IFT172: variants seen among roughly 807,000 people sequenced by gnomAD.
The protein encoded by IFT172 is intraflagellar transport protein 172 homolog.
IFT172 carries 164 observed loss-of-function variants against 248.9 expected under a neutral mutation model. That is an observed-to-expected ratio of 0.66 (90% CI 0.58 to 0.75). IFT172 has a LOEUF of 0.75. IFT172 is among the 30% of genes least tolerant of loss of function. IFT172 has a pLI of 0.00. For synonymous variants in IFT172, 729 were observed against 791.6 expected, an observed-to-expected ratio of 0.92 and a Z score of 1.33; for missense variants, 1,950 against 2,192.4, an observed-to-expected ratio of 0.89 and a Z score of 2.21.
rs1432674990 is a variant in IFT172, at chr2:27,472,335, C to A, written c.1439G>T (p.Gly480Val). ...IVDLIGGYNI[G>V]TVSHESRVDW... ...CACACGGCTCTCATGGCTGACGGTG[C>A]CAATGTTGTAGCCACCAATCAGATC... Residue 480 changes from glycine (G) to valine (V), a missense_variant, in exon 15 of 48, where the codon GGC (glycine) becomes GTC (valine). Around this residue, in one of 3 missense-constraint regions of IFT172, gnomAD observed 1,166 missense variants for 1,254.1 expected, o/e 0.93. Transcript: ENST00000260570. 1.9e-6 allele frequency: 3 copies of A among 1,613,962 alleles called. No individual in the cohort carries two copies. In the South Asian group the frequency reaches 3.3e-5, roughly 18 times the overall value.
At chr2:27,448,033 G>A (rs1173449068) in intron 40 of IFT172, 111 bp from the exon 41 acceptor site, 4 of 665,432 alleles carry the variant, frequency 6.0e-6, no homozygotes, top group Non-Finnish European at 1.1e-5. Context: ...AAATGGGTAT[G>A]TGTGTGTGTG....
intron 15 of IFT172, chr2:27,472,000 T>C: frequency 1.8e-6 from 1 of 557,424 alleles, no homozygotes; most frequent in South Asian, 2.6e-5. Context: ...ATTGTACCAC[T>C]GCACTCCAGC....
At position 27,454,475 on chromosome 2, in the gene IFT172, G is replaced by A; in HGVS notation, c.3466-57C>T. On this transcript the variant is annotated intron_variant, in intron 31 of 47. Coordinates refer to ENST00000260570, the MANE Select transcript of IFT172 (RefSeq NM_015662.3). The surrounding 1 kb of genome is among the most constrained non-coding windows in gnomAD (Gnocchi z 4.2). ...GAGAAGGAGACTGGCATCACAGGCAGGCATGAGACTGGGGGTCTGCACACC... is the reference window on the plus strand; with the variant it reads ...GAGAAGGAGACTGGCATCACAGGCAAGCATGAGACTGGGGGTCTGCACACC... 5 of 1,613,240 alleles carry A rather than the reference G, an allele frequency of 3.1e-6. No homozygotes were observed. The highest frequency in any genetic ancestry group is 3.4e-6 in the Non-Finnish European group (4 of 1,179,240).
At chr2:27,476,554 C>T (rs1667966845) in intron 14 of IFT172, 87 bp downstream of exon 14, 1 of 795,256 alleles carries the variant, frequency 1.3e-6, no homozygotes, top group Admixed American at 2.1e-5. Flanking sequence ...CAGATTCCTG[C>T]ATTCCCCACT....
intron 14 of IFT172, among the ~76,000 whole-genome samples, chr2:27,472,955 A>T (rs2148533061): frequency 6.6e-6 from 1 of 152,308 alleles, no homozygotes; most frequent in African/African-American, 2.4e-5. Flanking sequence ...TTTTAGTGAT[A>T]TCCATTATTA....
intron 2 of IFT172, 114 bp downstream of exon 2, chr2:27,485,245 GA>G: frequency 6.5e-7 from 1 of 1,534,356 alleles, no homozygotes. Flanking sequence ...TTTATACTGA[GA>G]AAAAGGTGGG....
chr2:27,453,911 G>A, intron 33 of IFT172, 71 bp downstream of exon 33: 1 of 1,493,756 alleles, frequency 6.7e-7, no homozygotes, highest in South Asian at 1.2e-5. Context: ...CATACCAGGG[G>A]TCAGTGTGGC....
At chr2:27,468,462 G>A (rs1045331997) in intron 16 of IFT172, among the ~76,000 whole-genome samples, 1 of 151,822 alleles carries the variant, frequency 6.6e-6, no homozygotes, top group African/African-American at 2.4e-5. Context: ...TTGAACTTCT[G>A]GCCTCAAGTG....
In IFT172 at chr2:27,457,885, GC is replaced by G; in HGVS notation, c.3066del (p.Lys1022AsnfsTer41). 6.2e-7 allele frequency: 1 copy of G among 1,614,198 alleles called. No homozygotes were observed. Among genetic ancestry groups the G allele is most frequent in the Non-Finnish European group, 8.5e-7 (1 of 1,180,012 alleles). On this transcript the variant is annotated frameshift_variant, in exon 28 of 48. Transcript: ENST00000260570. LOFTEE classifies it high-confidence loss of function. ...LYDDMIRLVG[K>X]HHPDLLSDTH... ...GTATCACTGAGGAGATCTGGATGGT[GC>G]TTCCCTACCAGGCGGATCATGTCAT...
chr2:27,484,048 G>A (rs1668574907), intron 4 of IFT172, 111 bp from the exon 5 acceptor site: 1 of 1,271,952 alleles, frequency 7.9e-7, no homozygotes, highest in Non-Finnish European at 1.1e-6. Flanking sequence ...TATAGGGAAG[G>A]ACACAGCAGG....
chr2:27,449,548 A>C lies in IFT172; in HGVS notation c.4175T>G (p.Val1392Gly), dbSNP rs1270300628. 6.2e-7 allele frequency: 1 copy of C among 1,614,082 alleles called. No homozygotes were observed. The highest frequency in any genetic ancestry group is 8.5e-7 in the Non-Finnish European group (1 of 1,180,034). The change falls in exon 38 of 48, where the codon GTG becomes GGG. Residue 1392 changes from valine (V) to glycine (G), a missense_variant. Physicochemically the swap from Val to Gly is moderately radical, Grantham distance 109. This residue lies in a region of IFT172 where 620 missense variants were observed against 699.0 expected (regional missense o/e 0.89). Coordinates refer to ENST00000260570, the MANE Select transcript of IFT172 (RefSeq NM_015662.3). Reference protein sequence around the residue: ...KELDPRYEDYVDQHYKEFLKN... With the variant: ...KELDPRYEDYGDQHYKEFLKN... ...GAGGAACTCTTTATAATGCTGGTCC[A>C]CATAGTCTTCATACCTGTGAAGATG...
rs767999327 is a variant in IFT172 at position 27,459,462 on chromosome 2, A to G, written c.2703T>C (p.Tyr901=). The change falls in exon 25 of 48, where the codon TAT becomes TAC. Residue 901 remains tyrosine (Y), a synonymous_variant. Coordinates refer to ENST00000260570, the MANE Select transcript of IFT172 (RefSeq NM_015662.3). ...LGARQWKKAI[Y]ILDLQDRNTA... ...TGTTCCGGTCCTGTAGATCTAATATATAAATTGCCTTCTTCCACTGGCGGG... is the reference window on the plus strand; with the variant it reads ...TGTTCCGGTCCTGTAGATCTAATATGTAAATTGCCTTCTTCCACTGGCGGG... 1.9e-6 allele frequency: 3 copies of G among 1,614,238 alleles called. No homozygotes were observed. In the Admixed American group the frequency reaches 5.0e-5, roughly 27 times the overall value.
Position 27,463,112 on chromosome 2 carries a change from T to C in IFT172, c.2007A>G (p.Gln669=). Residue 669 remains glutamine (Q), a synonymous_variant, in exon 19 of 48, where the codon CAA becomes CAG. Coordinates refer to ENST00000260570, the MANE Select transcript of IFT172 (RefSeq NM_015662.3). ...FLHETNEIAD[Q]VSREYGGEGT... The stretch of plus-strand genomic sequence containing the variant: ...TAATACTTGCATATTCCCGGGATAC[T>C]TGATCTGCAATCTCATTGGTCTCAT... The C allele has an allele frequency of 1.2e-6, 2 of 1,614,146 alleles. No individual in the cohort carries two copies. The highest frequency in any genetic ancestry group is 8.5e-7 in the Non-Finnish European group (1 of 1,180,000).
intron 7 of IFT172, among the ~76,000 whole-genome samples, chr2:27,482,778 T>C (rs1668479723): frequency 6.6e-6 from 1 of 152,172 alleles, no homozygotes; most frequent in African/African-American, 2.4e-5. Flanking sequence ...AGAGTTTTTA[T>C]TTCCCTTTGT....
At chr2:27,458,911 A>C in intron 25 of IFT172, 43 bp from the exon 26 acceptor site, 1 of 1,603,708 alleles carries the variant, frequency 6.2e-7, no homozygotes, top group Non-Finnish European at 8.5e-7. Flanking sequence ...AGAGCAACAG[A>C]CTTAAAGCAG....
chr2:27,474,023 G>A (rs1667788776), intron 14 of IFT172, among the ~76,000 whole-genome samples: 1 of 152,064 alleles, frequency 6.6e-6, no homozygotes, highest in South Asian at 2.1e-4. Context: ...GGTCAGGCTG[G>A]TCTCGAACTC....
At chr2:27,478,197 C>A (rs1572816383) in intron 10 of IFT172, 41 bp from the exon 11 acceptor site, 2 of 1,610,990 alleles carry the variant, frequency 1.2e-6, no homozygotes, top group South Asian at 1.1e-5. Context: ...GCTTCCCCAG[C>A]CCAAAAGAAG....
In IFT172 at chr2:27,454,144, A is replaced by G. The variant is rs566100277; in HGVS notation, c.3549T>C (p.Asp1183=). Residue 1183 remains aspartate (D), a synonymous_variant, in exon 33 of 48, where the codon GAT becomes GAC. Coordinates refer to ENST00000260570, the MANE Select transcript of IFT172 (RefSeq NM_015662.3). This position sits in a 1 kb window ranked among gnomAD's most constrained non-coding sequence, Gnocchi z 4.2. ...CAGCCACACGCTGAGCTGCCTCCCAATCCTGGTTATGGACAAACCTGCCTC... is the reference window on the plus strand; with the variant it reads ...CAGCCACACGCTGAGCTGCCTCCCAGTCCTGGTTATGGACAAACCTGCCTC... ...EAVLMFVHNQ[D]WEAAQRVAEA... is the part of the protein sequence containing the mutation. 12 of 1,612,952 alleles carry G rather than the reference A, an allele frequency of 7.4e-6. No homozygotes were observed. The Admixed American group carries it at 8.4e-5, about 11-fold the overall frequency.
chr2:27,445,966 G>A lies in IFT172; in HGVS notation c.4778C>T (p.Ala1593Val). The A allele has an allele frequency of 6.2e-7, 1 of 1,614,224 alleles. No homozygotes were observed. Among genetic ancestry groups the A allele is most frequent in the Non-Finnish European group, 8.5e-7 (1 of 1,180,034 alleles). ...AAKAVGWDNM[A>V]FIFLNRFLDL... Reference sequence around the variant, plus strand: ...CAAAAAGCGATTGAGGAAGATGAATGCCATGTTATCCCAGCCAACTGCCTG... The same window carrying A: ...CAAAAAGCGATTGAGGAAGATGAATACCATGTTATCCCAGCCAACTGCCTG... Residue 1593 changes from alanine (A) to valine (V), a missense_variant, in exon 44 of 48, where the codon GCA becomes GTA. This residue lies in a region of IFT172 where 620 missense variants were observed against 699.0 expected (regional missense o/e 0.89). Transcript: ENST00000260570. The surrounding 1 kb of genome is among the most constrained non-coding windows in gnomAD (Gnocchi z 4.4).
Sources: allele counts gnomAD v4.1 joint callset (sites outside exome capture counted in the v4.1 genomes callset), GRCh38; gene constraint gnomAD v4.1.1; regional missense constraint gnomAD v4.1.1; non-coding constraint Gnocchi (gnomAD v3.1); transcripts MANE v1.5; gene names NCBI Gene and HGNC (gene_info 2026-07-23, HGNC 2026-07-21).